FLRT1: variants seen among roughly 807,000 people sequenced by gnomAD.
FLRT1 encodes the protein leucine-rich repeat transmembrane protein FLRT1.
In FLRT1, 14 loss-of-function variants were observed where a neutral mutation model predicts 30.9. The observed-to-expected ratio is 0.45, with a 90% CI of 0.30 to 0.71. The LOEUF is 0.71. Among genes scored for constraint, FLRT1 ranks in the 30% least tolerant of loss-of-function variants. The pLI is 0.08. For synonymous variants in FLRT1, 368 were observed against 430.4 expected (o/e 0.85, Z 1.80); for missense variants, 737 against 949.2 (o/e 0.78, Z 2.94).
chr11:64,062,770 C>T (rs114356541), intron 1 of FLRT1, among the ~76,000 whole-genome samples: 2,219 of 152,274 alleles, frequency 0.015, 58 homozygotes, highest in African/African-American at 0.05. Context: ...AAAACCAGGC[C>T]GGGCAGGTCT....
Position 64,117,950 on chromosome 11 carries a change from G to C in FLRT1, c.1683G>C (p.Val561=). 6.2e-7 allele frequency: 1 copy of C among 1,613,714 alleles called. No individual in the cohort carries two copies. Among genetic ancestry groups the C allele is most frequent in the Non-Finnish European group, 8.5e-7 (1 of 1,180,004 alleles). The change falls in exon 3 of 3, where the codon GTG becomes GTC. Residue 561 remains valine, a synonymous_variant. Transcript: ENST00000682287. ...LPLAGIIGGA[V]ALVFLFLVLG... Reference sequence around the variant, plus strand: ...TGGCGGGCATCATCGGCGGGGCAGTGGCTCTGGTCTTCCTCTTCCTGGTCC... The same window carrying C: ...TGGCGGGCATCATCGGCGGGGCAGTCGCTCTGGTCTTCCTCTTCCTGGTCC...
chr11:64,055,354 C>T (rs1361963459), intron 1 of FLRT1, among the ~76,000 whole-genome samples: 3 of 152,220 alleles, frequency 2.0e-5, no homozygotes, highest in South Asian at 2.1e-4. Flanking sequence ...GGAAGCAGCC[C>T]GGTTTCTGGG....
intron 2 of FLRT1, among the ~76,000 whole-genome samples, chr11:64,108,307 C>CT (rs1376340626): frequency 1.3e-5 from 2 of 148,494 alleles, no homozygotes; most frequent in African/African-American, 2.5e-5. Flanking sequence ...GAGCGAAACT[C>CT]TGTCTCAAAA....
rs1301578374 is a variant in FLRT1, at chr11:64,090,351, G to A, written c.-1037-12843G>A. On this transcript the variant is annotated intron_variant, in intron 1 of 2. Transcript: ENST00000682287. This position sits in a 1 kb window ranked among gnomAD's most constrained non-coding sequence, Gnocchi z 4.7. ...GTCTCGTTTCTTAGTGGGTAGGAAA[G>A]CCACAAATAAGTAAACTCAGGCAGC... Among the ~76,000 whole-genome samples the A allele has an allele frequency of 6.6e-6, 1 of 152,230 alleles. No homozygotes were observed. The highest frequency in any genetic ancestry group is 1.5e-5 in the Non-Finnish European group (1 of 68,038).
At chr11:64,109,425 C>G (rs1164009039) in intron 2 of FLRT1, among the ~76,000 whole-genome samples, 3 of 152,144 alleles carry the variant, frequency 2.0e-5, no homozygotes, top group Admixed American at 6.5e-5. Context: ...GGCCTCTCCC[C>G]ACTCGTGACA....
chr11:64,053,047 G>A (rs1236274989), intron 1 of FLRT1, among the ~76,000 whole-genome samples: 2 of 152,198 alleles, frequency 1.3e-5, no homozygotes, highest in Non-Finnish European at 2.9e-5. Flanking sequence ...CAAACAGTGC[G>A]CTGCAGCCTC....
At chr11:64,044,251 C>CTTT (rs34174027) in intron 1 of FLRT1, among the ~76,000 whole-genome samples, 3 of 140,436 alleles carry the variant, frequency 2.1e-5, no homozygotes, top group African/African-American at 5.2e-5. Flanking sequence ...CCCCCAACAA[C>CTTT]TTTTTTTTTT....
Position 64,096,449 on chromosome 11 carries a change from G to A in FLRT1, c.-1037-6745G>A, listed in dbSNP as rs1358322880. Among the ~76,000 whole-genome samples, 3 of 151,574 alleles carry A rather than the reference G, an allele frequency of 2.0e-5. No individual in the cohort carries two copies. The highest frequency in any genetic ancestry group is 4.4e-5 in the Non-Finnish European group (3 of 67,898). ...TTTTTTTGAGACTGAGTCTCGCTGT[G>A]CTGCCCAGGATGATGAAGTGCAGTG... is the stretch of plus-strand genomic sequence containing the variant. On this transcript the variant is annotated intron_variant, in intron 1 of 2. Transcript: ENST00000682287. The surrounding 1 kb of genome is among the most constrained non-coding windows in gnomAD (Gnocchi z 4.6).
intron 1 of FLRT1, 68 bp from the exon 2 acceptor site, chr11:64,103,126 C>G (rs1175400839): frequency 1.3e-5 from 2 of 152,226 alleles, no homozygotes; most frequent in Non-Finnish European, 2.9e-5. Flanking sequence ...CCCAGTGGCC[C>G]TGGTGGATGT....
chr11:64,062,855 AC>A (rs1943931135), intron 1 of FLRT1, among the ~76,000 whole-genome samples: 1 of 151,800 alleles, frequency 6.6e-6, no homozygotes, highest in Admixed American at 6.6e-5. Flanking sequence ...GGGCACCTCC[AC>A]CCCGGCCCCG....
chr11:64,101,957 C>A (rs1174778242), intron 1 of FLRT1, among the ~76,000 whole-genome samples: 1 of 152,218 alleles, frequency 6.6e-6, no homozygotes, highest in Admixed American at 6.5e-5. Flanking sequence ...CAAATGCCTT[C>A]CCTGCCAGGC....
At chr11:64,050,292 C>T (rs572246454) in intron 1 of FLRT1, among the ~76,000 whole-genome samples, 4 of 152,260 alleles carry the variant, frequency 2.6e-5, no homozygotes, top group African/African-American at 9.6e-5. Context: ...CCAGGACTCA[C>T]AGCTACCACG....
At chr11:64,050,162 C>T (rs1264499773) in intron 1 of FLRT1, among the ~76,000 whole-genome samples, 1 of 152,128 alleles carries the variant, frequency 6.6e-6, no homozygotes, top group African/African-American at 2.4e-5. Flanking sequence ...CACCCTGCCA[C>T]TCCCACCTCT....
At chr11:64,088,062 C>T (rs879737056) in intron 1 of FLRT1, among the ~76,000 whole-genome samples, 1 of 152,184 alleles carries the variant, frequency 6.6e-6, no homozygotes, top group Non-Finnish European at 1.5e-5. Context: ...CTCTCTGGGC[C>T]TCCCCTGGCT....
intron 1 of FLRT1, among the ~76,000 whole-genome samples, chr11:64,059,960 C>A (rs1943866352): frequency 6.6e-6 from 1 of 151,942 alleles, no homozygotes; most frequent in East Asian, 1.9e-4. Flanking sequence ...GTTGGGGGGC[C>A]GGGGCACCCT....
At chr11:64,074,994 T>C (rs1271529463) in intron 1 of FLRT1, among the ~76,000 whole-genome samples, 1 of 152,170 alleles carries the variant, frequency 6.6e-6, no homozygotes, top group East Asian at 1.9e-4. Flanking sequence ...CTCCTTAAGG[T>C]TGAAAAGGGA....
chr11:64,063,807 G>T (rs754867026), intron 1 of FLRT1, among the ~76,000 whole-genome samples: 1 of 152,184 alleles, frequency 6.6e-6, no homozygotes, highest in Non-Finnish European at 1.5e-5. Flanking sequence ...TGAGACAGCC[G>T]AACAGGAGCA....
At chr11:64,039,724 A>T (rs1943449758) in intron 1 of FLRT1, among the ~76,000 whole-genome samples, 2 of 152,164 alleles carry the variant, frequency 1.3e-5, no homozygotes, top group Non-Finnish European at 2.9e-5. Context: ...CCATCGCTCG[A>T]GGCCCCCAGA....
At chr11:64,103,022 G>T (rs551975549) in intron 1 of FLRT1, among the ~76,000 whole-genome samples, 172 bp from the exon 2 acceptor site, 206 of 151,800 alleles carry the variant, frequency 1.4e-3, no homozygotes, top group African/African-American at 4.6e-3. Flanking sequence ...AGTGAGCCGA[G>T]ATTGTGCCAC....
Sources: allele counts gnomAD v4.1 joint callset (sites outside exome capture counted in the v4.1 genomes callset), GRCh38; gene constraint gnomAD v4.1.1; non-coding constraint Gnocchi (gnomAD v3.1); transcripts MANE v1.5; gene names NCBI Gene and HGNC (gene_info 2026-07-23, HGNC 2026-07-21).